Variants in SNRPB observed in about 807,000 individuals in gnomAD.
SNRPB encodes small nuclear ribonucleoprotein-associated proteins B and B'.
In SNRPB, 5 loss-of-function variants were observed where a neutral mutation model predicts 26.6. The observed-to-expected ratio is 0.19, with a 90% CI of 0.10 to 0.39. The LOEUF (loss-of-function observed/expected upper bound fraction) is 0.39, where lower values mean the gene tolerates loss of function less well. SNRPB is among the 10% of genes least tolerant of loss of function. The pLI, the probability that SNRPB is intolerant of heterozygous loss-of-function variation, is 1.00. For missense variants in SNRPB, 211 were observed against 311.9 expected, an observed-to-expected ratio of 0.68 and a Z score of 2.44; for synonymous variants, 122 against 105.8, an observed-to-expected ratio of 1.15 and a Z score of -0.94.
chr20:2,468,344 T>A (rs2085087909), intron 1 of SNRPB, among the ~76,000 whole-genome samples: 1 of 152,234 alleles, frequency 6.6e-6, no homozygotes, highest in African/African-American at 2.4e-5. Context: ...AGTTTGGACA[T>A]ATAATGGTCT....
chr20:2,465,636 A>C, intron 3 of SNRPB, 72 bp downstream of exon 3: 1 of 1,028,358 alleles, frequency 9.7e-7, no homozygotes, highest in Non-Finnish European at 1.5e-6. Context: ...CTGCAATGAA[A>C]CAGAATCTAA....
At position 2,461,796 on chromosome 20, in the gene SNRPB, G is replaced by A; in HGVS notation, c.*133C>T. ...GCGCATTCCCGGGGGAGGGGGCCCT[G>A]TAAGGGAAACCAGACAATCCCATGA... On this transcript the variant is annotated 3_prime_UTR_variant, in exon 7 of 7. Coordinates refer to ENST00000381342, the MANE Select transcript of SNRPB (RefSeq NM_003091.4). 6.2e-7 allele frequency: 1 copy of A among 1,613,004 alleles called. No homozygotes were observed. The highest frequency in any genetic ancestry group is 8.5e-7 in the Non-Finnish European group (1 of 1,179,488).
rs140171339 is a variant in SNRPB at position 2,468,882 on chromosome 20, T to A, written c.4-1124A>T. On this transcript the variant is annotated intron_variant, in intron 1 of 6. Transcript: ENST00000381342. ...TGGAGGCTGCAGTGAACTGAGATCA[T>A]GCCACTGCACTCCAGCCTGGGTGAC... 5.8e-3 allele frequency among the ~76,000 whole-genome samples: 882 copies of A among 152,202 alleles called. 2 individuals carry two copies. The highest frequency in any genetic ancestry group is 8.0e-3 in the Non-Finnish European group (547 of 67,996).
chr20:2,465,439 G>C (rs2085066491), intron 3 of SNRPB, among the ~76,000 whole-genome samples: 2 of 149,518 alleles, frequency 1.3e-5, no homozygotes, highest in South Asian at 4.2e-4. Flanking sequence ...CTGGAGAATG[G>C]GGTCTCGCTA....
intron 1 of SNRPB, among the ~76,000 whole-genome samples, chr20:2,468,504 A>T (rs192796243): frequency 1.3e-5 from 2 of 152,248 alleles, no homozygotes; most frequent in Non-Finnish European, 2.9e-5. Context: ...TTTGATCTGT[A>T]TATCATCCTC....
rs145618909 is a variant in SNRPB, at chr20:2,467,534, C to A, written c.155+73G>T. 90 of 1,409,468 alleles carry A rather than the reference C, an allele frequency of 6.4e-5. No individual in the cohort carries two copies. In the East Asian group the frequency reaches 2.0e-3, roughly 32 times the overall value. The allele number at this position is 1,409,468 out of a possible 1,614,324, so 87.3% of individuals were successfully genotyped here. ...GAAGAACCAACTAGCTACATCACCACCTCTATTGCTTGGCCCACCCACTCA... is the reference window on the plus strand; with the variant it reads ...GAAGAACCAACTAGCTACATCACCAACTCTATTGCTTGGCCCACCCACTCA... On this transcript the variant is annotated intron_variant, in intron 2 of 6. Transcript: ENST00000381342.
At chr20:2,467,542 G>A in intron 2 of SNRPB, 65 bp downstream of exon 2, 1 of 1,498,272 alleles carries the variant, frequency 6.7e-7, no homozygotes, top group South Asian at 1.2e-5. Context: ...CACCTCTATT[G>A]CTTGGCCCAC....
chr20:2,463,983 CTCGAAATAGCTTATAAATACTA>C lies in SNRPB; in HGVS notation c.268-106_268-85del, dbSNP rs370565537. ...TGGAATATCATTGCCAAGAGAGCCCCTCGAAATAGCTTATAAATACTATCGAAATAGCTTATAAATACTACCT... is the reference window on the plus strand; with the variant it reads ...TGGAATATCATTGCCAAGAGAGCCCCTCGAAATAGCTTATAAATACTACCT... On this transcript the variant is annotated intron_variant, in intron 3 of 6. Transcript: ENST00000381342. The surrounding 1 kb of genome is among the most constrained non-coding windows in gnomAD (Gnocchi z 5.0). 1.2e-3 allele frequency: 1,411 copies of C among 1,139,114 alleles called. 13 individuals are homozygous for C. In the African/African-American group the frequency reaches 0.02, roughly 16 times the overall value. 70.6% of individuals were successfully genotyped at this position (1,139,114 alleles called of 1,614,324 possible).
rs992087541 is a variant in SNRPB, at chr20:2,463,530, T to C, written c.420+217A>G. On this transcript the variant is annotated intron_variant, in intron 4 of 6. Coordinates refer to ENST00000381342, the MANE Select transcript of SNRPB (RefSeq NM_003091.4). This position sits in a 1 kb window ranked among gnomAD's most constrained non-coding sequence, Gnocchi z 5.0. ...ATGGAAATATTTTCCTTAAATACAG[T>C]TGGCTAATTCGTACATCTCTTTAAT... Among the ~76,000 whole-genome samples, 1 of 152,264 alleles carries C rather than the reference T, an allele frequency of 6.6e-6. No individual in the cohort carries two copies. The highest frequency in any genetic ancestry group is 2.1e-4 in the South Asian group (1 of 4,838).
chr20:2,464,795 G>A (rs1383112411), intron 3 of SNRPB, among the ~76,000 whole-genome samples: 2 of 151,916 alleles, frequency 1.3e-5, no homozygotes, highest in East Asian at 1.9e-4. Flanking sequence ...ACTTGAACCC[G>A]GGAGGCAGAG....
At chr20:2,467,016 G>A (rs2085078847) in intron 2 of SNRPB, among the ~76,000 whole-genome samples, 1 of 152,144 alleles carries the variant, frequency 6.6e-6, no homozygotes, top group Non-Finnish European at 1.5e-5. Flanking sequence ...AAACATGATG[G>A]GAAGCTAAAT....
rs1318531485 is a variant in SNRPB, at chr20:2,463,245, G to C, written c.421-18C>G. ...GTCATCACCTAAGAGGACATAAGAAGAAAGAGTTAGAAGAGTACAGTACAA... is the reference window on the plus strand; with the variant it reads ...GTCATCACCTAAGAGGACATAAGAACAAAGAGTTAGAAGAGTACAGTACAA... On this transcript the variant is annotated intron_variant, in intron 4 of 6. Transcript: ENST00000381342. This position sits in a 1 kb window ranked among gnomAD's most constrained non-coding sequence, Gnocchi z 5.0. 6.9e-6 allele frequency: 11 copies of C among 1,600,472 alleles called. No homozygotes were observed. Among genetic ancestry groups the C allele is most frequent in the Non-Finnish European group, 9.4e-6 (11 of 1,168,134 alleles).
chr20:2,467,672 G>A lies in SNRPB; in HGVS notation c.90C>T (p.Thr30=). ...TCATGTGCTTGTCAAAAGCCTTGAA[G>A]GTGCCAATGAAGATCCGGCCGTCCT... The part of the protein sequence containing the change: ...ILQDGRIFIG[T]FKAFDKHMNL... Residue 30 remains threonine, a synonymous_variant, in exon 2 of 7, where the codon ACC becomes ACT. Coordinates refer to ENST00000381342, the MANE Select transcript of SNRPB (RefSeq NM_003091.4). The A allele has an allele frequency of 6.2e-7, 1 of 1,614,152 alleles. No homozygotes were observed. Among genetic ancestry groups the A allele is most frequent in the South Asian group, 1.1e-5 (1 of 91,080 alleles).
intron 1 of SNRPB, among the ~76,000 whole-genome samples, chr20:2,468,089 T>C (rs2085086468): frequency 6.6e-6 from 1 of 152,194 alleles, no homozygotes; most frequent in African/African-American, 2.4e-5. Flanking sequence ...TAGAGCCATC[T>C]ACCAGTGTGC....
At chr20:2,468,962 T>C (rs1228099062) in intron 1 of SNRPB, among the ~76,000 whole-genome samples, 2 of 152,136 alleles carry the variant, frequency 1.3e-5, no homozygotes, top group African/African-American at 4.8e-5. Flanking sequence ...CACACAAAGA[T>C]ACTGCGAGCC....
At position 2,461,824 on chromosome 20, in the gene SNRPB, C is replaced by T. The variant is rs1218385661; in HGVS notation, c.*105G>A. On this transcript the variant is annotated 3_prime_UTR_variant, in exon 7 of 7. Transcript: ENST00000381342. ...AGGGAAACCAGACAATCCCATGAGA[C>T]TCCACGAACAACAGCATAAGAAACA... 4 of 1,613,872 alleles carry T rather than the reference C, an allele frequency of 2.5e-6. No individual in the cohort carries two copies. The highest frequency in any genetic ancestry group is 3.4e-6 in the Non-Finnish European group (4 of 1,179,930).
intron 2 of SNRPB, among the ~76,000 whole-genome samples, chr20:2,466,025 C>A (rs2085071038): frequency 1.3e-5 from 2 of 152,082 alleles, no homozygotes; most frequent in Admixed American, 6.5e-5. Flanking sequence ...GCCAAGAGGA[C>A]ACACTGACCA....
At position 2,465,811 on chromosome 20, in the gene SNRPB, T is replaced by A; in HGVS notation, c.164A>T (p.Asn55Ile). 6.2e-7 allele frequency: 1 copy of A among 1,613,486 alleles called. No individual in the cohort carries two copies. Among genetic ancestry groups the A allele is most frequent in the Non-Finnish European group, 8.5e-7 (1 of 1,179,822 alleles). ...CDEFRKIKPK[N>I]SKQAEREEKR... ...CTCTTCCCTTTCTGCTTGTTTGGAG[T>A]TCTTTGGCCTAAAGAGAGGTTTAGA... Residue 55 changes from asparagine (N) to isoleucine (I), a missense_variant, in exon 3 of 7, where the codon AAC becomes ATC. Asn to Ile is a moderately radical substitution (Grantham distance 149). Coordinates refer to ENST00000381342, the MANE Select transcript of SNRPB (RefSeq NM_003091.4).
chr20:2,467,602 C>T lies in SNRPB; in HGVS notation c.155+5G>A. ...AGTCTCCGCCCCCCACAGTCCACTC[C>T]TCACTTGATCTTTCTGAACTCATCA... On this transcript the variant is annotated splice_donor_5th_base_variant and intron_variant, in intron 2 of 6. Transcript: ENST00000381342. The T allele has an allele frequency of 1.2e-6, 2 of 1,613,686 alleles. No individual in the cohort carries two copies. The highest frequency in any genetic ancestry group is 1.7e-6 in the Non-Finnish European group (2 of 1,179,716).
Sources: gnomAD v4.1 joint callset for allele counts (sites outside exome capture counted in the v4.1 genomes callset) on GRCh38, gnomAD v4.1.1 for gene constraint, Gnocchi (gnomAD v3.1) non-coding constraint, MANE v1.5 for transcripts, NCBI Gene and HGNC (gene_info 2026-07-23, HGNC 2026-07-21) for gene names.